PABPC4L: variants seen among roughly 807,000 people sequenced by gnomAD.
PABPC4L encodes the protein poly(A) binding protein cytoplasmic 4 like.
For missense variants in PABPC4L, 452 were observed against 451.4 expected (o/e 1.00, Z -0.01); for synonymous variants, 169 against 164.1 (o/e 1.03, Z -0.23).
chr4:134,058,264 A>T, the PABPC4L span, among the ~76,000 whole-genome samples: 1 of 152,212 alleles, frequency 6.6e-6, no homozygotes, highest in African/African-American at 2.4e-5. Context: ...AAGAGTAAGA[A>T]AAATAGATTT....
the PABPC4L span, among the ~76,000 whole-genome samples, chr4:134,007,680 C>T: frequency 2.0e-5 from 3 of 151,524 alleles, no homozygotes; most frequent in African/African-American, 7.2e-5. Context: ...CTACTACACC[C>T]AAAACTATAG....
At chr4:134,145,074 C>T in the PABPC4L span, among the ~76,000 whole-genome samples, 4 of 151,706 alleles carry the variant, frequency 2.6e-5, no homozygotes, top group African/African-American at 9.7e-5. Flanking sequence ...ATTGCTTGGT[C>T]TTTCCTGAGT....
the PABPC4L span, among the ~76,000 whole-genome samples, chr4:134,060,892 G>A: frequency 1.1e-4 from 17 of 152,036 alleles, no homozygotes; most frequent in Admixed American, 1.1e-3. Context: ...CATGAAGATA[G>A]AGAGTGAGAA....
At chr4:134,131,766 T>TAAAAAA in the PABPC4L span, among the ~76,000 whole-genome samples, 1 of 34,548 alleles carries the variant, frequency 2.9e-5, no homozygotes, top group African/African-American at 1.2e-4. Flanking sequence ...AAAGCAAGAC[T>TAAAAAA]AAGAAAAAAG....
the PABPC4L span, among the ~76,000 whole-genome samples, chr4:134,080,954 A>G: frequency 6.6e-6 from 1 of 152,264 alleles, no homozygotes; most frequent in South Asian, 2.1e-4. Flanking sequence ...GCTAAGTTCT[A>G]AGGCAAAATC....
At chr4:134,194,394 T>C (rs2126195487), downstream of PABPC4L, among the ~76,000 whole-genome samples, 1 of 151,924 alleles carries the variant, frequency 6.6e-6, no homozygotes, top group East Asian at 1.9e-4. Flanking sequence ...GGCACTTGTA[T>C]CTTGATTTTT....
At chr4:134,052,241 T>A in the PABPC4L span, among the ~76,000 whole-genome samples, 1 of 152,102 alleles carries the variant, frequency 6.6e-6, no homozygotes, top group African/African-American at 2.4e-5. Flanking sequence ...TATGTACAAG[T>A]TGTAATGACA....
the PABPC4L span, among the ~76,000 whole-genome samples, chr4:134,115,699 C>T: frequency 7.3e-5 from 11 of 151,632 alleles, no homozygotes; most frequent in Non-Finnish European, 1.0e-4. Flanking sequence ...GTGAGGGTTT[C>T]GCTGCTGGAT....
chr4:134,188,293 A>G, the PABPC4L span, among the ~76,000 whole-genome samples: 1 of 152,106 alleles, frequency 6.6e-6, no homozygotes, highest in African/African-American at 2.4e-5. Flanking sequence ...ACATAATCAG[A>G]TGCATTGTTT....
chr4:134,184,055 G>T, the PABPC4L span, among the ~76,000 whole-genome samples: 1 of 151,728 alleles, frequency 6.6e-6, no homozygotes, highest in African/African-American at 2.4e-5. Flanking sequence ...AGAAGAAAAA[G>T]ATGGAAGATT....
chr4:134,175,805 A>G, the PABPC4L span, among the ~76,000 whole-genome samples: 3 of 152,172 alleles, frequency 2.0e-5, no homozygotes. Flanking sequence ...AAACAATTTG[A>G]AAACAGGAGA....
the PABPC4L span, among the ~76,000 whole-genome samples, chr4:134,098,978 G>T: frequency 6.6e-6 from 1 of 151,568 alleles, no homozygotes; most frequent in Non-Finnish European, 1.5e-5. Context: ...TTATTTCTAG[G>T]AATAAAAGCC....
At chr4:133,972,823 G>C in the PABPC4L span, among the ~76,000 whole-genome samples, 5 of 152,122 alleles carry the variant, frequency 3.3e-5, no homozygotes, top group African/African-American at 9.7e-5. Context: ...AAGGGCCCTA[G>C]CATCATTAAG....
At chr4:134,194,260 G>T (rs1255279116), downstream of PABPC4L, among the ~76,000 whole-genome samples, 1 of 151,732 alleles carries the variant, frequency 6.6e-6, no homozygotes, top group African/African-American at 2.4e-5. Flanking sequence ...AGATAAGCAA[G>T]AATCAGTCAG....
chr4:133,983,998 A>G, the PABPC4L span, among the ~76,000 whole-genome samples: 4 of 151,856 alleles, frequency 2.6e-5, no homozygotes, highest in Non-Finnish European at 5.9e-5. Flanking sequence ...ATATAGGTAA[A>G]TTATATATGT....
chr4:134,074,523 C>T, the PABPC4L span, among the ~76,000 whole-genome samples: 1 of 152,170 alleles, frequency 6.6e-6, no homozygotes, highest in Admixed American at 6.6e-5. Flanking sequence ...CTGTCCTAAC[C>T]TCTGCCTGTT....
downstream of PABPC4L, among the ~76,000 whole-genome samples, chr4:134,191,565 A>G (rs527384163): frequency 5.9e-5 from 9 of 152,320 alleles, no homozygotes; most frequent in South Asian, 1.7e-3. Flanking sequence ...ACAAATATAT[A>G]GAAGTTAAAA....
chr4:134,061,616 T>TAC, the PABPC4L span, among the ~76,000 whole-genome samples: 8 of 104,266 alleles, frequency 7.7e-5, no homozygotes, highest in Non-Finnish European at 1.3e-4. Flanking sequence ...AACACAAACA[T>TAC]ACACAGAGAG....
the PABPC4L span, among the ~76,000 whole-genome samples, chr4:133,970,305 A>G: frequency 4.2e-4 from 64 of 151,930 alleles, 2 homozygotes; most frequent in South Asian, 0.012. Flanking sequence ...TCCAACTATT[A>G]GATATTGGAG....
Sources: allele counts gnomAD v4.1 joint callset (sites outside exome capture counted in the v4.1 genomes callset), GRCh38; gene constraint gnomAD v4.1.1; transcripts MANE v1.5; gene names NCBI Gene and HGNC (gene_info 2026-07-23, HGNC 2026-07-21).